The following MYSM1 variants were observed in gnomAD, a reference collection of about 807,000 sequenced individuals.
MYSM1 encodes the protein Myb like, SWIRM and MPN domains 1.
A neutral mutation model predicts 116.0 loss-of-function variants in MYSM1; 51 were observed. The ratio of observed to expected loss-of-function variants is 0.44; its 90% confidence interval spans 0.35 to 0.56. The LOEUF (loss-of-function observed/expected upper bound fraction) is 0.56, where lower values mean the gene tolerates loss of function less well. MYSM1 is among the 20% of genes least tolerant of loss of function. The probability of loss-of-function intolerance (pLI) is 0.00; values close to 1 mark genes in which losing one functional copy is unlikely to be tolerated. For missense variants in MYSM1, 900 were observed against 974.9 expected (o/e 0.92, Z 1.02); for synonymous variants, 313 against 315.2 (o/e 0.99, Z 0.07).
chr1:58,683,429 T>G (rs1005250888), intron 7 of MYSM1, among the ~76,000 whole-genome samples: 1 of 152,190 alleles, frequency 6.6e-6, no homozygotes, highest in African/African-American at 2.4e-5. Context: ...TGCAGGCTTA[T>G]TTAATGAGCT....
chr1:58,693,077 G>A, intron 2 of MYSM1, 146 bp from the exon 3 acceptor site: 1 of 618,018 alleles, frequency 1.6e-6, no homozygotes, highest in Non-Finnish European at 2.7e-6. Context: ...GATTACCACA[G>A]TAACATTGAG....
chr1:58,681,842 C>A lies in MYSM1; in HGVS notation c.1202G>T (p.Arg401Leu), dbSNP rs202116499. The part of the protein sequence containing the change: ...KQAIPEFFEG[R>L]QAKTPERYLK... The stretch of plus-strand genomic sequence containing the variant: ...ATAGCGTTCTGGTGTTTTAGCTTGG[C>A]GCCCCTCAAAAAACTCAGGAATTGC... Residue 401 changes from arginine (R) to leucine (L), a missense_variant, in exon 8 of 20, where the codon CGC becomes CTC. Physicochemically the swap from Arg to Leu is moderately radical, Grantham distance 102. Around this residue, in one of 3 missense-constraint regions of MYSM1, gnomAD observed 622 missense variants for 623.7 expected, o/e 1.00. Transcript: ENST00000472487. 6.2e-7 allele frequency: 1 copy of A among 1,609,890 alleles called. No homozygotes were observed. Among genetic ancestry groups the A allele is most frequent in the Non-Finnish European group, 8.5e-7 (1 of 1,179,026 alleles).
chr1:58,677,019 C>T lies in MYSM1; in HGVS notation c.1297G>A (p.Val433Ile). Reference protein sequence around the residue: ...CKPKYLNKTSVRPGLKNCGDV... With the variant: ...CKPKYLNKTSIRPGLKNCGDV... ...CCACAGTTCTTCAGGCCAGGACGTACTGAGGTCTTATTTAAGTATTTTGGT... is the reference window on the plus strand; with the variant it reads ...CCACAGTTCTTCAGGCCAGGACGTATTGAGGTCTTATTTAAGTATTTTGGT... The change falls in exon 9 of 20, where the codon GTA becomes ATA. Residue 433 changes from valine (V) to isoleucine (I), a missense_variant. By Grantham distance (29) the Val-to-Ile change is conservative. This residue lies in a region of MYSM1 where 622 missense variants were observed against 623.7 expected (regional missense o/e 1.00). Coordinates refer to ENST00000472487, the MANE Select transcript of MYSM1 (RefSeq NM_001085487.3). 6.2e-7 allele frequency: 1 copy of T among 1,609,168 alleles called. No individual in the cohort carries two copies. Among genetic ancestry groups the T allele is most frequent in the South Asian group, 1.1e-5 (1 of 90,424 alleles).
intron 2 of MYSM1, among the ~76,000 whole-genome samples, chr1:58,693,767 A>G (rs1260600442): frequency 6.6e-6 from 1 of 152,152 alleles, no homozygotes; most frequent in Admixed American, 6.5e-5. Context: ...CTTCCCTCCA[A>G]TCTTTACCAC....
rs550677362 is a variant in MYSM1 at position 58,693,974 on chromosome 1, A to T, written c.148-1043T>A. 2.6e-5 allele frequency among the ~76,000 whole-genome samples: 4 copies of T among 152,202 alleles called. No homozygotes were observed. In the South Asian group the frequency reaches 8.3e-4, roughly 32 times the overall value. On this transcript the variant is annotated intron_variant, in intron 2 of 19. Transcript: ENST00000472487. ...TGCTGCCACTCCTTCCTTTCCCACC[A>T]TATTCTAGACACTGGCCTTCAACCA...
At chr1:58,684,580 G>A (rs868260688) in intron 7 of MYSM1, among the ~76,000 whole-genome samples, 352 of 132,038 alleles carry the variant, frequency 2.7e-3, no homozygotes, top group Middle Eastern at 0.012. Flanking sequence ...AAAAAAAAAA[G>A]AAAAAAAAAA....
chr1:58,668,914 G>GTTA, intron 13 of MYSM1, 70 bp downstream of exon 13: 1 of 1,236,856 alleles, frequency 8.1e-7, no homozygotes, highest in Middle Eastern at 1.9e-4. Context: ...TACGGAAAAA[G>GTTA]AGTAAGCATT....
At chr1:58,691,635 A>G (rs1644907419) in intron 3 of MYSM1, among the ~76,000 whole-genome samples, 1 of 152,124 alleles carries the variant, frequency 6.6e-6, no homozygotes, top group African/African-American at 2.4e-5. Flanking sequence ...TGGGAGGCCG[A>G]AGCAGGTAGA....
chr1:58,668,511 T>C (rs2100606150), intron 14 of MYSM1, 121 bp downstream of exon 14: 2 of 1,383,956 alleles, frequency 1.4e-6, no homozygotes, highest in South Asian at 1.8e-5. Context: ...TTAGATTCCT[T>C]GTAAAAGAGG....
At chr1:58,687,545 CCTG>C (rs1204995965) in intron 6 of MYSM1, among the ~76,000 whole-genome samples, 4 of 152,164 alleles carry the variant, frequency 2.6e-5, no homozygotes, top group Non-Finnish European at 5.9e-5. Context: ...TTGTAAGCTC[CCTG>C]CTATTTTGCA....
chr1:58,667,966 C>A (rs75436164), intron 14 of MYSM1, 45 bp from the exon 15 acceptor site: 1 of 1,328,478 alleles, frequency 7.5e-7, no homozygotes, highest in Non-Finnish European at 1.1e-6. Context: ...CACAAACCCA[C>A]CTGACAAAGT....
In MYSM1 at chr1:58,682,325, T is replaced by C. The variant is rs774706191; in HGVS notation, c.719A>G (p.Asn240Ser). 12 of 1,613,612 alleles carry C rather than the reference T, an allele frequency of 7.4e-6. No individual in the cohort carries two copies. The African/African-American group carries it at 1.5e-4, about 20-fold the overall frequency. Residue 240 changes from asparagine to serine, a missense_variant, in exon 8 of 20, where the codon AAT becomes AGT. Around this residue, in one of 3 missense-constraint regions of MYSM1, gnomAD observed 622 missense variants for 623.7 expected, o/e 1.00. Transcript: ENST00000472487. The stretch of plus-strand genomic sequence containing the variant: ...GTCTAACAAGAGATCACTGCTAGAA[T>C]TCTTCTGGGGTGTTTGAGAAGACAA... ...DELSSQTPQK[N>S]SSSDLLLDFP...
chr1:58,665,582 G>A lies in MYSM1; in HGVS notation c.2081C>T (p.Pro694Leu). The change falls in exon 17 of 20, where the codon CCC (proline) becomes CTC (leucine). Residue 694 changes from proline (P) to leucine (L), a missense_variant. By Grantham distance (98) the Pro-to-Leu change is moderately conservative. This residue lies in a region of MYSM1 where 186 missense variants were observed against 196.2 expected (regional missense o/e 0.95). Transcript: ENST00000472487. ...TGGTAAGGGATTATTTCGATTATAG[G>A]GACTAACAATCATCCCAATGAACTT... ...GAKFIGMIVS[P>L]YNRNNPLPYS... 1 of 1,587,976 alleles carries A rather than the reference G, an allele frequency of 6.3e-7. No homozygotes were observed. Among genetic ancestry groups the A allele is most frequent in the Non-Finnish European group, 8.6e-7 (1 of 1,156,934 alleles).
rs1409296612 is a variant in MYSM1 at position 58,656,909 on chromosome 1, C to A, written c.*3088G>T. On this transcript the variant is annotated 3_prime_UTR_variant, in exon 20 of 20. Transcript: ENST00000472487. Reference sequence around the variant, plus strand: ...ATCTAAAATATTAATACATTCATTTCATACAGATACAATTGTAAAATATCA... The same window carrying A: ...ATCTAAAATATTAATACATTCATTTAATACAGATACAATTGTAAAATATCA... 2 of 152,122 alleles carry A rather than the reference C, an allele frequency of 1.3e-5. No individual in the cohort carries two copies. Among genetic ancestry groups the A allele is most frequent in the African/African-American group, 4.8e-5 (2 of 41,408 alleles). 9.4% of individuals were successfully genotyped at this position (152,122 alleles called of 1,614,324 possible).
chr1:58,692,941 A>G lies in MYSM1; in HGVS notation c.148-10T>C, dbSNP rs1557526411. ...TATCCAAGGTCCAAGGCTATTAAAA[A>G]AGAGAATATATTTGTCTTTTTATTT... On this transcript the variant is annotated splice_polypyrimidine_tract_variant and intron_variant, in intron 2 of 19. Coordinates refer to ENST00000472487, the MANE Select transcript of MYSM1 (RefSeq NM_001085487.3). 6.3e-7 allele frequency: 1 copy of G among 1,582,616 alleles called. No homozygotes were observed. The highest frequency in any genetic ancestry group is 1.2e-5 in the South Asian group (1 of 85,406).
At position 58,682,271 on chromosome 1, in the gene MYSM1, T is replaced by C. The variant is rs745850256; in HGVS notation, c.773A>G (p.Asn258Ser). 2 of 1,611,802 alleles carry C rather than the reference T, an allele frequency of 1.2e-6. No individual in the cohort carries two copies. Among genetic ancestry groups the C allele is most frequent in the Non-Finnish European group, 1.7e-6 (2 of 1,178,176 alleles). ...GTCAGAAGTAATGAATTCTCCTTGA[T>C]TGGTTTCATGCATTTTACTATTAGG... ...DFPNSKMHET[N>S]QGEFITSDSQ... Residue 258 changes from asparagine (N) to serine (S), a missense_variant, in exon 8 of 20, where the codon AAT becomes AGT. Physicochemically the swap from Asn to Ser is conservative, Grantham distance 46 (BLOSUM62 1). Coordinates refer to ENST00000472487, the MANE Select transcript of MYSM1 (RefSeq NM_001085487.3).
rs1644364922 is a variant in MYSM1 at position 58,659,743 on chromosome 1, A to G, written c.*254T>C. ...AGCCGACCAGGTTGCTTAGTTTCAC[A>G]GCCTACAGCATTGCTCAGTAAAGGA... On this transcript the variant is annotated 3_prime_UTR_variant, in exon 20 of 20. Transcript: ENST00000472487. 1 of 260,096 alleles carries G rather than the reference A, an allele frequency of 3.8e-6. No homozygotes were observed. The highest frequency in any genetic ancestry group is 7.1e-5 in the East Asian group (1 of 14,124). The allele number at this position is 260,096 out of a possible 1,614,324, so 16.1% of individuals were successfully genotyped here. A position where few individuals can be genotyped will look rare whatever the true frequency, so the allele number is the denominator to read the frequency against.
rs753621409 is a variant in MYSM1 at position 58,656,898 on chromosome 1, T to C, written c.*3099A>G. 2.6e-5 allele frequency: 4 copies of C among 152,192 alleles called. No individual in the cohort carries two copies. The highest frequency in any genetic ancestry group is 5.9e-5 in the Non-Finnish European group (4 of 68,034). 9.4% of individuals were successfully genotyped at this position (152,192 alleles called of 1,614,324 possible). A position where few individuals can be genotyped will look rare whatever the true frequency, so the allele number is the denominator to read the frequency against. On this transcript the variant is annotated 3_prime_UTR_variant, in exon 20 of 20. Transcript: ENST00000472487. ...AAAATGTTTTAATCTAAAATATTAA[T>C]ACATTCATTTCATACAGATACAATT...
At chr1:58,694,694 G>T (rs796861832) in intron 2 of MYSM1, among the ~76,000 whole-genome samples, 1 of 151,652 alleles carries the variant, frequency 6.6e-6, no homozygotes, top group African/African-American at 2.4e-5. Flanking sequence ...TTTGAGACCG[G>T]GTCTCATTCT....
Sources: allele counts gnomAD v4.1 joint callset (sites outside exome capture counted in the v4.1 genomes callset), GRCh38; gene constraint gnomAD v4.1.1; regional missense constraint gnomAD v4.1.1; transcripts MANE v1.5; gene names NCBI Gene and HGNC (gene_info 2026-07-23, HGNC 2026-07-21).